Variants in RAD51B observed in about 807,000 individuals in gnomAD.
RAD51B encodes the protein DNA repair protein RAD51 homolog 2.
Under a neutral mutation model 42.2 loss-of-function variants are expected in RAD51B, and 38 were observed. The observed-to-expected ratio is 0.90, with a 90% CI of 0.70 to 1.18. The LOEUF (loss-of-function observed/expected upper bound fraction) is 1.18, where lower values mean the gene tolerates loss of function less well. RAD51B is among the 50% of genes most tolerant of loss of function. The pLI is 0.00. For missense variants in RAD51B, 373 were observed against 400.7 expected (o/e 0.93, Z 0.59); for synonymous variants, 154 against 145.2 (o/e 1.06, Z -0.43).
intron 7 of RAD51B, among the ~76,000 whole-genome samples, chr14:68,019,722 A>G (rs1241527701): frequency 6.6e-6 from 1 of 152,180 alleles, no homozygotes; most frequent in Admixed American, 6.5e-5. Flanking sequence ...CTGTGATTTT[A>G]TCAGTTAAGA....
intron 7 of RAD51B, among the ~76,000 whole-genome samples, chr14:68,266,389 C>G (rs1490544135): frequency 2.6e-5 from 4 of 152,072 alleles, no homozygotes; most frequent in Admixed American, 2.0e-4. Flanking sequence ...CTTTGCAAGC[C>G]CTGTTTGTTC....
At chr14:68,506,913 A>G (rs1885369509) in intron 10 of RAD51B, among the ~76,000 whole-genome samples, 1 of 152,210 alleles carries the variant, frequency 6.6e-6, no homozygotes. Context: ...CAGTTAGAAA[A>G]AAATCTGGCA....
intron 10 of RAD51B, among the ~76,000 whole-genome samples, chr14:68,524,183 G>A (rs536850675): frequency 7.2e-5 from 11 of 152,070 alleles, no homozygotes; most frequent in African/African-American, 2.4e-4. Context: ...CCTTCCCAAG[G>A]GCACACATGG....
At chr14:68,543,199 A>C (rs577310821) in intron 10 of RAD51B, among the ~76,000 whole-genome samples, 20 of 152,330 alleles carry the variant, frequency 1.3e-4, no homozygotes, top group African/African-American at 4.3e-4. Flanking sequence ...GTTCTAAAAA[A>C]AATTTCTTTA....
At chr14:68,534,432 G>C (rs1403812204) in intron 10 of RAD51B, among the ~76,000 whole-genome samples, 6 of 152,168 alleles carry the variant, frequency 3.9e-5, no homozygotes, top group African/African-American at 1.4e-4. Flanking sequence ...CATCCAAATA[G>C]CTGTGGTTTT....
rs1397734945 is a variant in RAD51B at position 68,437,695 on chromosome 14, A to G, written c.957+26168A>G. Among the ~76,000 whole-genome samples the G allele has an allele frequency of 8.5e-5, 13 of 152,298 alleles. 1 individual carries two copies. In the East Asian group the frequency reaches 2.5e-3, roughly 29 times the overall value. ...TAAAGCTCAGTTTCCTTCTATGAAG[A>G]GCCATAGTAGTAGAGGAGAATACCC... is the stretch of plus-strand genomic sequence containing the variant. On this transcript the variant is annotated intron_variant, in intron 9 of 10. Transcript: ENST00000471583.
At chr14:68,161,571 G>A (rs1313446615) in intron 7 of RAD51B, among the ~76,000 whole-genome samples, 1 of 152,214 alleles carries the variant, frequency 6.6e-6, no homozygotes, top group Non-Finnish European at 1.5e-5. Context: ...TAAAGGAAGA[G>A]ACGACTTTTT....
intron 10 of RAD51B, among the ~76,000 whole-genome samples, chr14:68,568,725 A>G (rs1040878568): frequency 3.3e-5 from 5 of 152,162 alleles, no homozygotes; most frequent in African/African-American, 9.7e-5. Context: ...CATTTTCAAC[A>G]AGCTTTCCTT....
chr14:68,170,800 T>G (rs905262874), intron 7 of RAD51B, among the ~76,000 whole-genome samples: 1 of 152,242 alleles, frequency 6.6e-6, no homozygotes, highest in African/African-American at 2.4e-5. Context: ...AATCTATTTT[T>G]TCATGATTAT....
intron 11 of RAD51B, among the ~76,000 whole-genome samples, chr14:68,659,439 A>G (rs1892888665): frequency 6.6e-6 from 1 of 151,872 alleles, no homozygotes; most frequent in African/African-American, 2.4e-5. Context: ...TTTCTGCAAT[A>G]TAAACAAGAA....
intron 7 of RAD51B, among the ~76,000 whole-genome samples, chr14:68,009,387 T>C (rs967427488): frequency 1.3e-5 from 2 of 151,986 alleles, no homozygotes; most frequent in African/African-American, 4.8e-5. Context: ...ATCTGTAAAG[T>C]AGAAATAACA....
At chr14:68,034,266 T>TA (rs2076089003) in intron 7 of RAD51B, among the ~76,000 whole-genome samples, 3 of 146,648 alleles carry the variant, frequency 2.0e-5, no homozygotes, top group Admixed American at 6.8e-5. Flanking sequence ...ATCATCTGCT[T>TA]TTTTTTTTTT....
chr14:68,330,539 T>G (rs1029716899), intron 8 of RAD51B, among the ~76,000 whole-genome samples: 13 of 152,240 alleles, frequency 8.5e-5, no homozygotes, highest in South Asian at 8.3e-4. Context: ...ATCAAAAGAG[T>G]GTGGAACCAC....
intron 7 of RAD51B, among the ~76,000 whole-genome samples, chr14:67,971,979 A>G (rs2074907322): frequency 6.6e-6 from 1 of 151,314 alleles, no homozygotes. Context: ...TTCTACCTTT[A>G]ACACATATGT....
intron 8 of RAD51B, among the ~76,000 whole-genome samples, chr14:68,325,861 T>C (rs1266686568): frequency 6.6e-6 from 1 of 152,056 alleles, no homozygotes; most frequent in African/African-American, 2.4e-5. Flanking sequence ...AACTTAACAC[T>C]GTAATTTATC....
intron 7 of RAD51B, among the ~76,000 whole-genome samples, chr14:68,002,441 C>T (rs1315542402): frequency 1.3e-5 from 2 of 152,022 alleles, no homozygotes; most frequent in Admixed American, 6.6e-5. Flanking sequence ...AGACCTTTGT[C>T]AGACAGATAT....
At chr14:68,573,900 T>C (rs752559688) in intron 10 of RAD51B, among the ~76,000 whole-genome samples, 1 of 152,114 alleles carries the variant, frequency 6.6e-6, no homozygotes, top group Non-Finnish European at 1.5e-5. Context: ...ATGCAGCACA[T>C]GAGTATGGGC....
intron 7 of RAD51B, among the ~76,000 whole-genome samples, chr14:68,220,418 C>G (rs553427844): frequency 3.3e-5 from 5 of 152,292 alleles, no homozygotes; most frequent in Non-Finnish European, 7.3e-5. Flanking sequence ...TCCAGCATCC[C>G]TTTATGATTA....
Position 67,997,264 on chromosome 14 carries a change from A to G in RAD51B, c.756+110060A>G, listed in dbSNP as rs147334106. Among the ~76,000 whole-genome samples, 1,262 of 152,352 alleles carry G rather than the reference A, an allele frequency of 8.3e-3. 6 individuals are homozygous for G. The highest frequency in any genetic ancestry group is 0.014 in the Non-Finnish European group (945 of 68,024). On this transcript the variant is annotated intron_variant, in intron 7 of 10. Coordinates refer to ENST00000471583, the MANE Select transcript of RAD51B (RefSeq NM_133510.4). ...AGACAGAGAAAAGGAACAAGAACTTAGCCCAGGGCATTTCAACATTAAGAA... is the reference window on the plus strand; with the variant it reads ...AGACAGAGAAAAGGAACAAGAACTTGGCCCAGGGCATTTCAACATTAAGAA...
Sources: gnomAD v4.1 joint callset for allele counts (sites outside exome capture counted in the v4.1 genomes callset) on GRCh38, gnomAD v4.1.1 for gene constraint, MANE v1.5 for transcripts, NCBI Gene and HGNC (gene_info 2026-07-23, HGNC 2026-07-21) for gene names.